Variants in DCC observed in about 807,000 individuals in gnomAD.
DCC encodes the protein DCC netrin 1 receptor, also known as netrin receptor DCC.
In DCC, 58 loss-of-function variants were observed where a neutral mutation model predicts 172.5. The observed-to-expected ratio is 0.34, with a 90% confidence interval of 0.27 to 0.42. DCC has a LOEUF of 0.42. Ranked by LOEUF, DCC falls within the 10% of genes least tolerant of loss-of-function variation. The probability of loss-of-function intolerance (pLI) is 1.00; values close to 1 mark genes in which losing one functional copy is unlikely to be tolerated. For missense variants in DCC, 1,740 were observed against 1,791.0 expected, an observed-to-expected ratio of 0.97 and a Z score of 0.51; for synonymous variants, 709 against 644.5, an observed-to-expected ratio of 1.10 and a Z score of -1.52.
At chr18:53,008,560 T>C (rs2143868827) in intron 5 of DCC, among the ~76,000 whole-genome samples, 1 of 152,174 alleles carries the variant, frequency 6.6e-6, no homozygotes, top group Admixed American at 6.6e-5. Flanking sequence ...TTCAAATATA[T>C]CCATATTAAA....
Position 52,894,266 on chromosome 18 carries a change from A to G in DCC, c.413-11778A>G, listed in dbSNP as rs188662593. Among the ~76,000 whole-genome samples the G allele has an allele frequency of 2.4e-3, 367 of 152,114 alleles. 1 individual carries two copies. Among genetic ancestry groups the G allele is most frequent in the South Asian group, 4.8e-3 (23 of 4,826 alleles). ...ATATATTTGCCTTTCCTACTAGACT[A>G]TGAACTCTTTGAGGAAAGAAACTGG... On this transcript the variant is annotated intron_variant, in intron 2 of 28. Coordinates refer to ENST00000442544, the MANE Select transcript of DCC (RefSeq NM_005215.4).
At chr18:52,426,515 A>C (rs1044789181) in intron 1 of DCC, among the ~76,000 whole-genome samples, 3 of 152,082 alleles carry the variant, frequency 2.0e-5, no homozygotes, top group African/African-American at 4.8e-5. Flanking sequence ...TCCCAGAAAT[A>C]AACCCCCAAA....
rs142150602 is a variant in DCC at position 52,709,096 on chromosome 18, G to A, written c.92-42958G>A. The stretch of plus-strand genomic sequence containing the variant: ...AACAACCCCTGCAAGGTACTTTGCT[G>A]TTGTGAAACACGGAGGGGCACCTGG... On this transcript the variant is annotated intron_variant, in intron 1 of 28. Transcript: ENST00000442544. Among the ~76,000 whole-genome samples, 295 of 152,252 alleles carry A rather than the reference G, an allele frequency of 1.9e-3. 2 individuals carry two copies. The highest frequency in any genetic ancestry group is 6.1e-3 in the African/African-American group (253 of 41,542).
At chr18:53,189,446 G>A (rs1171603124) in intron 9 of DCC, among the ~76,000 whole-genome samples, 1 of 150,584 alleles carries the variant, frequency 6.6e-6, no homozygotes, top group Non-Finnish European at 1.5e-5. Flanking sequence ...CATATATAGT[G>A]TATATATATA....
chr18:52,423,454 T>A (rs966507121), intron 1 of DCC, among the ~76,000 whole-genome samples: 1 of 151,786 alleles, frequency 6.6e-6, no homozygotes, highest in Non-Finnish European at 1.5e-5. Flanking sequence ...GGTGACTAAC[T>A]CAGCTCAAGG....
At chr18:53,202,263 A>G (rs1418362868) in intron 9 of DCC, among the ~76,000 whole-genome samples, 10 of 152,204 alleles carry the variant, frequency 6.6e-5, no homozygotes, top group African/African-American at 1.9e-4. Flanking sequence ...AGGTACTCCA[A>G]TAAACAATGG....
chr18:53,476,422 GT>G (rs2045763810), intron 25 of DCC, among the ~76,000 whole-genome samples: 1 of 152,106 alleles, frequency 6.6e-6, no homozygotes, highest in Non-Finnish European at 1.5e-5. Context: ...TCGGAGCCAG[GT>G]TTTTCCCATG....
chr18:53,107,291 A>G (rs767771441), intron 7 of DCC, among the ~76,000 whole-genome samples: 2 of 151,826 alleles, frequency 1.3e-5, no homozygotes, highest in Non-Finnish European at 2.9e-5. Flanking sequence ...CAGAATAACC[A>G]CAAAGAGTCA....
Position 52,915,450 on chromosome 18 carries a change from C to T in DCC, c.698-8257C>T, listed in dbSNP as rs369801046. ...ACAGTGAATATGCCCCTCAGTATGT[C>T]ACACACACTCAATTAATTTGACCAT... On this transcript the variant is annotated intron_variant, in intron 3 of 28. Transcript: ENST00000442544. Among the ~76,000 whole-genome samples, 43 of 152,232 alleles carry T rather than the reference C, an allele frequency of 2.8e-4. 1 individual carries two copies. The highest frequency in any genetic ancestry group is 9.6e-4 in the African/African-American group (40 of 41,564).
intron 1 of DCC, among the ~76,000 whole-genome samples, chr18:52,587,732 T>A (rs927531295): frequency 6.6e-6 from 1 of 152,164 alleles, no homozygotes; most frequent in African/African-American, 2.4e-5. Context: ...AGAAAGGGGC[T>A]GTAGTGCTGC....
chr18:53,328,090 C>T (rs1179135086), intron 14 of DCC, among the ~76,000 whole-genome samples: 4 of 152,140 alleles, frequency 2.6e-5, no homozygotes, highest in Admixed American at 2.6e-4. Flanking sequence ...GTTTCAGTTC[C>T]GGTGCAAGTG....
chr18:52,555,208 G>T (rs1270517428), intron 1 of DCC, among the ~76,000 whole-genome samples: 1 of 152,102 alleles, frequency 6.6e-6, no homozygotes, highest in Non-Finnish European at 1.5e-5. Flanking sequence ...GAAGAGCAGT[G>T]TAGGTATTTT....
rs775908972 is a variant in DCC at position 53,408,964 on chromosome 18, C to T, written c.2936-1488C>T. Among the ~76,000 whole-genome samples the T allele has an allele frequency of 2.6e-5, 4 of 152,108 alleles. No homozygotes were observed. The East Asian group carries it at 7.7e-4, about 29-fold the overall frequency. On this transcript the variant is annotated intron_variant, in intron 19 of 28. Coordinates refer to ENST00000442544, the MANE Select transcript of DCC (RefSeq NM_005215.4). Reference sequence around the variant, plus strand: ...AGCCCAGGCATAATTCTATAAGGCACTATGGGATTAAGTGATGAGTGATAT... The same window carrying T: ...AGCCCAGGCATAATTCTATAAGGCATTATGGGATTAAGTGATGAGTGATAT...
chr18:53,160,707 C>T (rs1219113777), intron 8 of DCC, among the ~76,000 whole-genome samples: 1 of 152,160 alleles, frequency 6.6e-6, no homozygotes, highest in Non-Finnish European at 1.5e-5. Context: ...CACATACGCT[C>T]CTAATGATAT....
intron 2 of DCC, among the ~76,000 whole-genome samples, chr18:52,775,160 T>G (rs2037406987): frequency 6.6e-6 from 1 of 152,196 alleles, no homozygotes; most frequent in Non-Finnish European, 1.5e-5. Context: ...ACGGGAAAGG[T>G]TCGCCTGTCC....
intron 21 of DCC, among the ~76,000 whole-genome samples, chr18:53,422,448 C>A (rs945193662): frequency 6.6e-6 from 1 of 152,128 alleles, no homozygotes; most frequent in African/African-American, 2.4e-5. Context: ...GGCTACCTAA[C>A]TGGAGAATCT....
intron 5 of DCC, among the ~76,000 whole-genome samples, chr18:52,980,030 G>C (rs944661063): frequency 1.3e-5 from 2 of 152,024 alleles, no homozygotes; most frequent in Non-Finnish European, 2.9e-5. Context: ...CACGGCTTTC[G>C]TGTTCAATCA....
intron 15 of DCC, among the ~76,000 whole-genome samples, chr18:53,377,092 A>G (rs1351440157): frequency 6.6e-6 from 1 of 152,044 alleles, no homozygotes; most frequent in Admixed American, 6.5e-5. Flanking sequence ...TTCAACTCAC[A>G]TCTCTTATTC....
At chr18:53,476,600 A>G (rs1161726588) in intron 25 of DCC, among the ~76,000 whole-genome samples, 1 of 151,932 alleles carries the variant, frequency 6.6e-6, no homozygotes, top group African/African-American at 2.4e-5. Flanking sequence ...AGTCCAGTAA[A>G]CCTCTTATTT....
Sources: gnomAD v4.1 joint callset for allele counts (sites outside exome capture counted in the v4.1 genomes callset) on GRCh38, gnomAD v4.1.1 for gene constraint, MANE v1.5 for transcripts, NCBI Gene and HGNC (gene_info 2026-07-23, HGNC 2026-07-21) for gene names.